The following IRF2 variants were observed in gnomAD, a reference collection of about 807,000 sequenced individuals.
IRF2 encodes interferon regulatory factor 2.
A neutral mutation model predicts 40.6 loss-of-function variants in IRF2; 15 were observed. The observed-to-expected ratio is 0.37, with a 90% CI of 0.25 to 0.57. The LOEUF is 0.57. IRF2 is among the 20% of genes least tolerant of loss of function. The pLI is 0.77. For synonymous variants in IRF2, 151 were observed against 165.5 expected (o/e 0.91, Z 0.67); for missense variants, 317 against 455.7 (o/e 0.70, Z 2.77).
At chr4:184,434,138 C>T (rs1294381523) in intron 1 of IRF2, among the ~76,000 whole-genome samples, 3 of 152,196 alleles carry the variant, frequency 2.0e-5, no homozygotes, top group African/African-American at 7.2e-5. Flanking sequence ...CTCCCACAGG[C>T]GCTAACAGTC....
At chr4:184,396,444 T>C (rs558785134) in intron 7 of IRF2, among the ~76,000 whole-genome samples, 70 of 150,872 alleles carry the variant, frequency 4.6e-4, no homozygotes, top group African/African-American at 1.7e-3. Flanking sequence ...TTCTTTTTTT[T>C]TTTTTTTAAG....
intron 6 of IRF2, among the ~76,000 whole-genome samples, chr4:184,403,081 A>G (rs555170776): frequency 1.6e-4 from 25 of 152,306 alleles, no homozygotes; most frequent in African/African-American, 5.8e-4. Context: ...TCTCAGGCCA[A>G]ATTCCCCCAT....
intron 1 of IRF2, among the ~76,000 whole-genome samples, chr4:184,447,911 TCCAA>T (rs1738572530): frequency 6.6e-6 from 1 of 152,170 alleles, no homozygotes; most frequent in Admixed American, 6.5e-5. Flanking sequence ...ACTGAGACAT[TCCAA>T]CAGGAACAGG....
At chr4:184,435,860 A>T (rs1314420659) in intron 1 of IRF2, among the ~76,000 whole-genome samples, 6 of 152,244 alleles carry the variant, frequency 3.9e-5, no homozygotes, top group Admixed American at 2.0e-4. Context: ...TCAATCCCTG[A>T]TCTAATGAAA....
chr4:184,390,848 G>T (rs772633612), intron 7 of IRF2, 99 bp from the exon 8 acceptor site: 3 of 1,155,378 alleles, frequency 2.6e-6, no homozygotes, highest in Non-Finnish European at 3.9e-6. Context: ...GTAACTAAAC[G>T]CATCACCTCC....
At chr4:184,398,744 A>C (rs1579799614) in intron 7 of IRF2, among the ~76,000 whole-genome samples, 171 bp downstream of exon 7, 1 of 152,324 alleles carries the variant, frequency 6.6e-6, no homozygotes, top group Middle Eastern at 3.4e-3. Context: ...CCTGAGAACA[A>C]AAGTGTCCAA....
intron 1 of IRF2, among the ~76,000 whole-genome samples, chr4:184,437,175 T>C (rs759058678): frequency 2.6e-5 from 4 of 152,080 alleles, no homozygotes; most frequent in Non-Finnish European, 5.9e-5. Flanking sequence ...CCTGCCTCAG[T>C]CTCCTGAGTA....
chr4:184,412,632 C>T (rs1224321832), intron 5 of IRF2, among the ~76,000 whole-genome samples: 9 of 152,214 alleles, frequency 5.9e-5, no homozygotes, highest in Admixed American at 5.9e-4. Context: ...ACACACCCAG[C>T]ACAGAGGCGC....
chr4:184,437,149 G>A lies in IRF2; in HGVS notation c.-6-8079C>T, dbSNP rs973582037. 4.7e-4 allele frequency among the ~76,000 whole-genome samples: 71 copies of A among 152,256 alleles called. 1 individual carries two copies. The highest frequency in any genetic ancestry group is 4.0e-3 in the Admixed American group (61 of 15,294). ...TGGCTCACTGCAACCTCTGCCTCCC[G>A]GGTTCAAGCAATTCTCCTGCCTCAG... On this transcript the variant is annotated intron_variant, in intron 1 of 8. Coordinates refer to ENST00000393593, the MANE Select transcript of IRF2 (RefSeq NM_002199.4).
At chr4:184,446,873 T>C (rs887067912) in intron 1 of IRF2, among the ~76,000 whole-genome samples, 1 of 152,042 alleles carries the variant, frequency 6.6e-6, no homozygotes, top group Admixed American at 6.6e-5. Context: ...GGAGAATTGC[T>C]TGAACCCAGG....
At chr4:184,407,491 A>C (rs28459893) in intron 6 of IRF2, among the ~76,000 whole-genome samples, 1 of 152,190 alleles carries the variant, frequency 6.6e-6, no homozygotes, top group African/African-American at 2.4e-5. Context: ...GTTACGAAGG[A>C]GGGAAAACAC....
chr4:184,415,174 A>G lies in IRF2; in HGVS notation c.411+2993T>C, dbSNP rs182588013. 6.6e-5 allele frequency among the ~76,000 whole-genome samples: 10 copies of G among 152,338 alleles called. 1 individual carries two copies. The East Asian group carries it at 1.7e-3, about 26-fold the overall frequency. ...CTTCCCTGCTACACTGGAAAGCACA[A>G]TGCAAGTAGATCTAAATTCAAAAGT... On this transcript the variant is annotated intron_variant, in intron 5 of 8. Transcript: ENST00000393593.
chr4:184,415,722 C>T (rs1450005093), intron 5 of IRF2, among the ~76,000 whole-genome samples: 1 of 152,180 alleles, frequency 6.6e-6, no homozygotes, highest in East Asian at 1.9e-4. Context: ...TCTGTTACTC[C>T]GTTCTTATTT....
In IRF2 at chr4:184,451,553, C is replaced by G. The variant is rs574732087; in HGVS notation, c.-6-22483G>C. The stretch of plus-strand genomic sequence containing the variant: ...CCAAAGCTGACTCTAGGTCATCAAA[C>G]TCCATTATCATGAGAACTGAGGATC... On this transcript the variant is annotated intron_variant, in intron 1 of 8. Transcript: ENST00000393593. Among the ~76,000 whole-genome samples, 3 of 152,334 alleles carry G rather than the reference C, an allele frequency of 2.0e-5. No individual in the cohort carries two copies. The East Asian group carries it at 5.8e-4, about 29-fold the overall frequency.
At chr4:184,461,656 G>A (rs942673551) in intron 1 of IRF2, among the ~76,000 whole-genome samples, 7 of 151,914 alleles carry the variant, frequency 4.6e-5, no homozygotes, top group Non-Finnish European at 8.8e-5. Flanking sequence ...AATAGTCAAC[G>A]GTTTCAGCTG....
chr4:184,399,136 C>T (rs2149893238), intron 6 of IRF2, 57 bp from the exon 7 acceptor site: 1 of 1,509,128 alleles, frequency 6.6e-7, no homozygotes, highest in South Asian at 1.3e-5. Flanking sequence ...TTCTAGCACA[C>T]TTTCTCAAGA....
chr4:184,404,246 A>T (rs1736770913), intron 6 of IRF2, among the ~76,000 whole-genome samples: 1 of 152,202 alleles, frequency 6.6e-6, no homozygotes, highest in South Asian at 2.1e-4. Context: ...AGGCATAAAA[A>T]ATCAGGCCAT....
chr4:184,444,557 AT>A (rs1401614015), intron 1 of IRF2, among the ~76,000 whole-genome samples: 2 of 152,234 alleles, frequency 1.3e-5, no homozygotes, highest in Non-Finnish European at 2.9e-5. Context: ...GCAGACACAA[AT>A]TTATGGTCAA....
chr4:184,473,554 CGCGGCGTCCCTTCTGAGCGGCGGCG>C (rs1220789617), intron 1 of IRF2, among the ~76,000 whole-genome samples: 1 of 147,746 alleles, frequency 6.8e-6, no homozygotes, highest in Non-Finnish European at 1.5e-5. Context: ...GGAAGGAGGA[CGCGGCGTCCCTTCTGAGCGGCGGCG>C]GCGGCGGCCC....
Sources: gnomAD v4.1 joint callset for allele counts (sites outside exome capture counted in the v4.1 genomes callset) on GRCh38, gnomAD v4.1.1 for gene constraint, MANE v1.5 for transcripts, NCBI Gene and HGNC (gene_info 2026-07-23, HGNC 2026-07-21) for gene names.